Variants in CHRM3 observed in about 807,000 individuals in gnomAD.
CHRM3 encodes muscarinic acetylcholine receptor M3.
A neutral mutation model predicts 41.8 loss-of-function variants in CHRM3; 11 were observed. The observed-to-expected ratio is 0.26, with a 90% CI of 0.17 to 0.44. The LOEUF is 0.44. Among genes scored for constraint, CHRM3 ranks in the 20% least tolerant of loss-of-function variants. The probability of loss-of-function intolerance (pLI) is 1.00; values close to 1 mark genes in which losing one functional copy is unlikely to be tolerated. For missense variants in CHRM3, 571 were observed against 745.4 expected (o/e 0.77, Z 2.72); for synonymous variants, 297 against 301.4 (o/e 0.99, Z 0.15).
At chr1:239,595,004 G>A (rs1191965750) in intron 3 of CHRM3, among the ~76,000 whole-genome samples, 3 of 152,158 alleles carry the variant, frequency 2.0e-5, no homozygotes, top group Non-Finnish European at 2.9e-5. Context: ...CAGGAGAATC[G>A]CTTGAACCCG....
At chr1:239,824,911 T>C (rs1402504889) in intron 5 of CHRM3, among the ~76,000 whole-genome samples, 1 of 152,230 alleles carries the variant, frequency 6.6e-6, no homozygotes, top group Non-Finnish European at 1.5e-5. Flanking sequence ...AAGGCCTGAT[T>C]CCTTCAAATA....
rs565074580 is a variant in CHRM3, at chr1:239,824,448, G to A, written c.-146-2804G>A. Among the ~76,000 whole-genome samples the A allele has an allele frequency of 2.0e-5, 3 of 152,280 alleles. No homozygotes were observed. In the East Asian group the frequency reaches 5.8e-4, roughly 29 times the overall value. On this transcript the variant is annotated intron_variant, in intron 5 of 6. Transcript: ENST00000676153. ...GCCAATAGAATTTCATTTATGGCTG[G>A]CATATAATCACAAAGTTAGGTGAAA...
At chr1:239,499,822 C>T (rs1668108948) in intron 2 of CHRM3, among the ~76,000 whole-genome samples, 1 of 152,100 alleles carries the variant, frequency 6.6e-6, no homozygotes, top group Non-Finnish European at 1.5e-5. Flanking sequence ...GGATTGGGGC[C>T]CTATCTTCAG....
chr1:239,420,744 GT>G (rs962470510), intron 1 of CHRM3, among the ~76,000 whole-genome samples: 2 of 152,044 alleles, frequency 1.3e-5, no homozygotes, highest in African/African-American at 4.8e-5. Context: ...GTTTTAATAA[GT>G]TTTATGCTGA....
chr1:239,896,214 A>G (rs757932253), intron 6 of CHRM3, among the ~76,000 whole-genome samples: 26 of 152,158 alleles, frequency 1.7e-4, no homozygotes, highest in Non-Finnish European at 2.2e-4. Context: ...TCTGTTTGGA[A>G]TGCTGTGTCC....
At chr1:239,672,703 C>T (rs1467478669) in intron 4 of CHRM3, among the ~76,000 whole-genome samples, 1 of 151,768 alleles carries the variant, frequency 6.6e-6, no homozygotes, top group African/African-American at 2.4e-5. Flanking sequence ...TCAAACGGTG[C>T]CTGAATTACA....
At chr1:239,901,101 C>T (rs1679515070) in intron 6 of CHRM3, among the ~76,000 whole-genome samples, 1 of 152,314 alleles carries the variant, frequency 6.6e-6, no homozygotes, top group South Asian at 2.1e-4. Context: ...ACCTAGTGAC[C>T]TCTGAGCAGC....
At chr1:239,479,837 A>G (rs140303733) in intron 1 of CHRM3, among the ~76,000 whole-genome samples, 61 of 152,348 alleles carry the variant, frequency 4.0e-4, no homozygotes, top group Non-Finnish European at 6.8e-4. Context: ...AAGTTGCTCT[A>G]GGTGAGTCAG....
In CHRM3 at chr1:239,498,034, G is replaced by T. The variant is rs138862718; in HGVS notation, c.-422+5227G>T. ...CTAACAATAATTTACCAGTTGCTAT[G>T]GCTAGACCCATGTATGACAACTGAA... On this transcript the variant is annotated intron_variant, in intron 2 of 6. Transcript: ENST00000676153. Among the ~76,000 whole-genome samples, 330 of 152,238 alleles carry T rather than the reference G, an allele frequency of 2.2e-3. 4 individuals are homozygous for T. Among genetic ancestry groups the T allele is most frequent in the Non-Finnish European group, 3.8e-3 (257 of 68,010 alleles).
chr1:239,409,720 A>G (rs1660919072), intron 1 of CHRM3, among the ~76,000 whole-genome samples: 1 of 152,208 alleles, frequency 6.6e-6, no homozygotes, highest in African/African-American at 2.4e-5. Context: ...AGGTGGGCGG[A>G]TCACGAGGTC....
intron 6 of CHRM3, among the ~76,000 whole-genome samples, chr1:239,899,169 G>C (rs1480278055): frequency 6.6e-6 from 1 of 151,916 alleles, no homozygotes; most frequent in Admixed American, 6.6e-5. Context: ...GATATTGATT[G>C]TCATTATGTG....
intron 4 of CHRM3, among the ~76,000 whole-genome samples, chr1:239,675,692 T>G (rs1274769466): frequency 1.3e-5 from 2 of 152,188 alleles, no homozygotes; most frequent in Non-Finnish European, 2.9e-5. Context: ...AGCATACAGT[T>G]TTTCAATTGG....
intron 5 of CHRM3, among the ~76,000 whole-genome samples, chr1:239,747,249 T>C (rs188220727): frequency 1.6e-4 from 25 of 152,328 alleles, no homozygotes; most frequent in Admixed American, 5.2e-4. Context: ...ATTCATTACA[T>C]AAATATTTAT....
chr1:239,892,011 G>A (rs1414212909), intron 6 of CHRM3, among the ~76,000 whole-genome samples: 2 of 152,166 alleles, frequency 1.3e-5, no homozygotes, highest in African/African-American at 2.4e-5. Flanking sequence ...ACCAAGAGAT[G>A]GTCTGTTCAG....
chr1:239,538,027 A>T (rs1658378464), intron 2 of CHRM3, among the ~76,000 whole-genome samples: 1 of 152,316 alleles, frequency 6.6e-6, no homozygotes, highest in African/African-American at 2.4e-5. Context: ...GAGCAGTGTT[A>T]ATTATGATAT....
intron 6 of CHRM3, among the ~76,000 whole-genome samples, chr1:239,899,276 A>AGT (rs71168861): frequency 0.46 from 61,303 of 134,272 alleles, 14,657 homozygotes; most frequent in Admixed American, 0.55. Flanking sequence ...TTTTGAACTC[A>AGT]GTGTGTGTGT....
chr1:239,426,396 G>C (rs1662385307), intron 1 of CHRM3, among the ~76,000 whole-genome samples: 1 of 149,620 alleles, frequency 6.7e-6, no homozygotes, highest in Non-Finnish European at 1.5e-5. Flanking sequence ...ACAAATCAAG[G>C]CTTTGACGTT....
intron 4 of CHRM3, among the ~76,000 whole-genome samples, chr1:239,675,382 T>A (rs772705995): frequency 1.1e-4 from 16 of 152,236 alleles, no homozygotes; most frequent in Non-Finnish European, 1.8e-4. Context: ...TTTAATCTTC[T>A]ATTTGTTGCA....
At position 239,515,187 on chromosome 1, in the gene CHRM3, A is replaced by G. The variant is rs1170759976; in HGVS notation, c.-422+22380A>G. Among the ~76,000 whole-genome samples the G allele has an allele frequency of 1.3e-5, 2 of 152,078 alleles. 1 individual carries two copies. The highest frequency in any genetic ancestry group is 2.9e-5 in the Non-Finnish European group (2 of 67,976). ...GGTTAGTATATATATTTCTCTAGAA[A>G]TAAACTGAATATTCAAATCTAAAGT... On this transcript the variant is annotated intron_variant, in intron 2 of 6. Coordinates refer to ENST00000676153, the MANE Select transcript of CHRM3 (RefSeq NM_001375978.1).
Sources: gnomAD v4.1 joint callset for allele counts (sites outside exome capture counted in the v4.1 genomes callset) on GRCh38, gnomAD v4.1.1 for gene constraint, MANE v1.5 for transcripts, NCBI Gene and HGNC (gene_info 2026-07-23, HGNC 2026-07-21) for gene names.